Variants in GALNTL6 observed in about 807,000 individuals in gnomAD.
GALNTL6 encodes the protein polypeptide N-acetylgalactosaminyltransferase like 6, also known as polypeptide N-acetylgalactosaminyltransferase-like 6.
Under a neutral mutation model 73.7 loss-of-function variants are expected in GALNTL6, and 46 were observed. That is an observed-to-expected ratio of 0.62 (90% CI 0.49 to 0.80). The LOEUF is 0.80. Ranked by LOEUF, GALNTL6 falls within the 30% of genes least tolerant of loss-of-function variation. The pLI is 0.00. For synonymous variants in GALNTL6, 259 were observed against 263.7 expected (o/e 0.98, Z 0.17); for missense variants, 604 against 755.0 (o/e 0.80, Z 2.34).
intron 2 of GALNTL6, among the ~76,000 whole-genome samples, chr4:171,966,276 T>G (rs2111055516): frequency 6.6e-6 from 1 of 152,306 alleles, no homozygotes; most frequent in African/African-American, 2.4e-5. Context: ...GTTCTTAATG[T>G]GGAAAGTGTT....
chr4:171,850,715 T>C (rs1334268985), intron 2 of GALNTL6, among the ~76,000 whole-genome samples: 1 of 152,162 alleles, frequency 6.6e-6, no homozygotes, highest in African/African-American at 2.4e-5. Context: ...GTGTCTAAAC[T>C]CCAAAACAAA....
chr4:172,702,394 T>C (rs1381806605), intron 5 of GALNTL6, among the ~76,000 whole-genome samples: 1 of 152,034 alleles, frequency 6.6e-6, no homozygotes, highest in Non-Finnish European at 1.5e-5. Context: ...ATCTCTCCAT[T>C]GTCATTTTTA....
chr4:172,193,853 T>C (rs966244060), intron 2 of GALNTL6, among the ~76,000 whole-genome samples: 8 of 151,422 alleles, frequency 5.3e-5, no homozygotes, highest in Admixed American at 4.0e-4. Context: ...CAGAGCAAAC[T>C]CCATCTCAAA....
intron 2 of GALNTL6, among the ~76,000 whole-genome samples, chr4:171,991,686 G>A (rs1480002733): frequency 6.8e-6 from 1 of 148,074 alleles, no homozygotes; most frequent in Non-Finnish European, 1.5e-5. Flanking sequence ...TAATCTATAA[G>A]TAGACCAGAA....
At chr4:172,718,486 A>G (rs143508508) in intron 5 of GALNTL6, among the ~76,000 whole-genome samples, 74 of 152,168 alleles carry the variant, frequency 4.9e-4, no homozygotes, top group Non-Finnish European at 9.1e-4. Context: ...ATTAAAAAAC[A>G]TATGAGCCAG....
At chr4:172,787,647 A>G (rs1387530871) in intron 5 of GALNTL6, among the ~76,000 whole-genome samples, 4 of 152,208 alleles carry the variant, frequency 2.6e-5, no homozygotes, top group Non-Finnish European at 5.9e-5. Context: ...TCTTCAGTCC[A>G]TAGGGGGCTG....
At chr4:171,845,650 C>T (rs1335107855) in intron 2 of GALNTL6, among the ~76,000 whole-genome samples, 1 of 151,976 alleles carries the variant, frequency 6.6e-6, no homozygotes, top group East Asian at 1.9e-4. Context: ...CAGTGGGATA[C>T]AAAGAACCAG....
intron 12 of GALNTL6, among the ~76,000 whole-genome samples, chr4:173,022,342 G>A (rs370231837): frequency 3.3e-5 from 5 of 152,310 alleles, no homozygotes; most frequent in East Asian, 3.9e-4. Context: ...TTTTGGCTTC[G>A]CTTGTTATAT....
intron 8 of GALNTL6, among the ~76,000 whole-genome samples, chr4:172,893,374 C>G (rs1317228900): frequency 6.6e-6 from 1 of 150,920 alleles, no homozygotes; most frequent in African/African-American, 2.5e-5. Flanking sequence ...TTCTCAAACT[C>G]AAGCCAAAGA....
chr4:172,773,118 A>G (rs1738871982), intron 5 of GALNTL6, among the ~76,000 whole-genome samples: 1 of 152,228 alleles, frequency 6.6e-6, no homozygotes, highest in East Asian at 1.9e-4. Flanking sequence ...AACTACATGC[A>G]TCACTCCGTG....
At chr4:172,894,211 T>G (rs1027871416) in intron 8 of GALNTL6, among the ~76,000 whole-genome samples, 5 of 152,244 alleles carry the variant, frequency 3.3e-5, no homozygotes, top group African/African-American at 1.2e-4. Flanking sequence ...TGTTCTGATC[T>G]TTATTATTTC....
At chr4:171,992,966 A>G (rs893619993) in intron 2 of GALNTL6, among the ~76,000 whole-genome samples, 3 of 151,324 alleles carry the variant, frequency 2.0e-5, no homozygotes, top group African/African-American at 7.3e-5. Context: ...AGCTCATGCT[A>G]AATTTCTCAG....
chr4:172,243,280 G>C (rs1280058292), intron 3 of GALNTL6, among the ~76,000 whole-genome samples: 1 of 152,096 alleles, frequency 6.6e-6, no homozygotes, highest in Non-Finnish European at 1.5e-5. Context: ...CCCCAGTTTA[G>C]AAAGGCCTGC....
intron 5 of GALNTL6, among the ~76,000 whole-genome samples, chr4:172,631,409 TG>T (rs1269153163): frequency 5.9e-5 from 9 of 152,174 alleles, no homozygotes; most frequent in Non-Finnish European, 1.2e-4. Context: ...CCTCCCAAAG[TG>T]CTGGGATTAC....
At chr4:172,946,026 T>A (rs1749149425) in intron 9 of GALNTL6, among the ~76,000 whole-genome samples, 1 of 152,182 alleles carries the variant, frequency 6.6e-6, no homozygotes, top group Non-Finnish European at 1.5e-5. Context: ...TCATGGGATA[T>A]GGATACACCT....
At chr4:172,957,924 T>A (rs757632970) in intron 10 of GALNTL6, among the ~76,000 whole-genome samples, 5 of 152,146 alleles carry the variant, frequency 3.3e-5, no homozygotes, top group Non-Finnish European at 5.9e-5. Context: ...AAACCAAGTC[T>A]GTTCAGGGTG....
intron 4 of GALNTL6, among the ~76,000 whole-genome samples, chr4:172,327,567 T>C (rs1287442993): frequency 6.6e-6 from 1 of 152,214 alleles, no homozygotes; most frequent in Admixed American, 6.5e-5. Context: ...TTTATGAGTC[T>C]GGGTGCTCCT....
At chr4:172,562,156 T>C (rs1352327713) in intron 5 of GALNTL6, among the ~76,000 whole-genome samples, 1 of 152,166 alleles carries the variant, frequency 6.6e-6, no homozygotes, top group Non-Finnish European at 1.5e-5. Flanking sequence ...CCACCTCTCC[T>C]CTGGTGTTCT....
At chr4:172,886,359 G>C (rs1004003265) in intron 8 of GALNTL6, among the ~76,000 whole-genome samples, 1 of 152,126 alleles carries the variant, frequency 6.6e-6, no homozygotes, top group Admixed American at 6.5e-5. Flanking sequence ...ACAATCCTTT[G>C]TATTTCTGAG....
Sources: gnomAD v4.1 joint callset for allele counts (sites outside exome capture counted in the v4.1 genomes callset) on GRCh38, gnomAD v4.1.1 for gene constraint, MANE v1.5 for transcripts, NCBI Gene and HGNC (gene_info 2026-07-23, HGNC 2026-07-21) for gene names.